Variants in MLLT3 observed in about 807,000 individuals in gnomAD.
The protein encoded by MLLT3 is protein AF-9.
Under a neutral mutation model 53.2 loss-of-function variants are expected in MLLT3, and 4 were observed. That is an observed-to-expected ratio of 0.08 (90% CI 0.04 to 0.17). The LOEUF is 0.17. Among genes scored for constraint, MLLT3 ranks in the 10% least tolerant of loss-of-function variants. The pLI is 1.00. For missense variants in MLLT3, 569 were observed against 684.0 expected (o/e 0.83, Z 1.87); for synonymous variants, 283 against 230.6 (o/e 1.23, Z -2.06).
chr9:20,385,441 T>C (rs1234674193), intron 5 of MLLT3, among the ~76,000 whole-genome samples: 1 of 152,194 alleles, frequency 6.6e-6, no homozygotes, highest in Admixed American at 6.5e-5. Flanking sequence ...GGTAGGATTA[T>C]GGTGCTTTTT....
chr9:20,343,127 T>A lies in MLLT3; in HGVS notation c.*3316A>T, dbSNP rs373671809. On this transcript the variant is annotated 3_prime_UTR_variant, in exon 11 of 11. Coordinates refer to ENST00000380338, the MANE Select transcript of MLLT3 (RefSeq NM_004529.4). Reference sequence around the variant, plus strand: ...TAGTAAATAGGATGTTATACAGGCCTAAAATTGTTTCTTCTCTTTTTTTTA... The same window carrying A: ...TAGTAAATAGGATGTTATACAGGCCAAAAATTGTTTCTTCTCTTTTTTTTA... 60 of 143,086 alleles carry A rather than the reference T, an allele frequency of 4.2e-4. 1 individual carries two copies. In the South Asian group the frequency reaches 9.8e-3, roughly 23 times the overall value. The allele number at this position is 143,086 out of a possible 1,614,324, so 8.9% of individuals were successfully genotyped here. A position where few individuals can be genotyped will look rare whatever the true frequency, so the allele number is the denominator to read the frequency against.
chr9:20,530,708 C>G (rs56669820), intron 2 of MLLT3, among the ~76,000 whole-genome samples: 4,161 of 152,182 alleles, frequency 0.027, 211 homozygotes, highest in African/African-American at 0.094. Flanking sequence ...GCTCTGTAGC[C>G]CATCCTCTAC....
At chr9:20,389,599 A>C (rs1822134581) in intron 5 of MLLT3, among the ~76,000 whole-genome samples, 1 of 151,702 alleles carries the variant, frequency 6.6e-6, no homozygotes, top group Non-Finnish European at 1.5e-5. Flanking sequence ...ACACAGTAGA[A>C]CCCCATCTCT....
intron 5 of MLLT3, among the ~76,000 whole-genome samples, chr9:20,399,277 T>C (rs1586919651): frequency 1.3e-5 from 2 of 152,134 alleles, no homozygotes; most frequent in Non-Finnish European, 2.9e-5. Flanking sequence ...CGACTAGACA[T>C]GCATCAATTA....
intron 2 of MLLT3, among the ~76,000 whole-genome samples, chr9:20,481,579 G>A (rs766699227): frequency 2.6e-5 from 4 of 152,126 alleles, no homozygotes; most frequent in African/African-American, 7.2e-5. Flanking sequence ...AACTGTGACT[G>A]AGGAACCTAC....
intron 2 of MLLT3, among the ~76,000 whole-genome samples, chr9:20,560,710 C>T (rs1278540633): frequency 6.6e-6 from 1 of 152,134 alleles, no homozygotes; most frequent in Non-Finnish European, 1.5e-5. Flanking sequence ...TAACAGGAGA[C>T]AGCATTCTAT....
intron 2 of MLLT3, among the ~76,000 whole-genome samples, chr9:20,604,686 CAGCTGTCT>C (rs1820519506): frequency 6.6e-6 from 1 of 152,084 alleles, no homozygotes; most frequent in South Asian, 2.1e-4. Context: ...AAACCTACAG[CAGCTGTCT>C]AACTTTGCCT....
At chr9:20,522,894 C>T (rs1026889433) in intron 2 of MLLT3, among the ~76,000 whole-genome samples, 1 of 151,742 alleles carries the variant, frequency 6.6e-6, no homozygotes, top group South Asian at 2.1e-4. Context: ...TAAAGGAAGT[C>T]GAGGCTTCAG....
intron 4 of MLLT3, among the ~76,000 whole-genome samples, chr9:20,447,370 G>A (rs1823731347): frequency 6.6e-6 from 1 of 152,136 alleles, no homozygotes; most frequent in African/African-American, 2.4e-5. Flanking sequence ...AAATAGATGG[G>A]GTGTGAAGTG....
At chr9:20,362,034 T>G (rs985010955) in intron 7 of MLLT3, among the ~76,000 whole-genome samples, 2 of 152,246 alleles carry the variant, frequency 1.3e-5, no homozygotes, top group African/African-American at 2.4e-5. Flanking sequence ...TCAGTTGAAG[T>G]GCTGTTTTAA....
chr9:20,375,478 G>A (rs1174986409), intron 5 of MLLT3, among the ~76,000 whole-genome samples: 1 of 151,866 alleles, frequency 6.6e-6, no homozygotes, highest in African/African-American at 2.4e-5. Flanking sequence ...GCAAACCAGT[G>A]GTAAAACAAA....
At chr9:20,552,832 T>C (rs1188612347) in intron 2 of MLLT3, among the ~76,000 whole-genome samples, 2 of 152,136 alleles carry the variant, frequency 1.3e-5, no homozygotes, top group East Asian at 3.8e-4. Flanking sequence ...TAGAATCTAC[T>C]TTTTCTCATC....
intron 5 of MLLT3, among the ~76,000 whole-genome samples, chr9:20,390,367 T>A (rs557821751): frequency 6.6e-6 from 1 of 152,150 alleles, no homozygotes; most frequent in Non-Finnish European, 1.5e-5. Context: ...AGCACTAATG[T>A]AAAATGAAGA....
At chr9:20,559,319 C>T (rs1819141444) in intron 2 of MLLT3, among the ~76,000 whole-genome samples, 1 of 151,936 alleles carries the variant, frequency 6.6e-6, no homozygotes, top group Non-Finnish European at 1.5e-5. Context: ...TTAACTTTTG[C>T]TATTAAAAGG....
chr9:20,440,835 T>C (rs1384063957), intron 4 of MLLT3, among the ~76,000 whole-genome samples: 1 of 152,210 alleles, frequency 6.6e-6, no homozygotes, highest in African/African-American at 2.4e-5. Context: ...CTTATTTTCT[T>C]GGCTTTTTGT....
At chr9:20,449,098 T>C (rs919750810) in intron 3 of MLLT3, among the ~76,000 whole-genome samples, 1 of 152,176 alleles carries the variant, frequency 6.6e-6, no homozygotes, top group African/African-American at 2.4e-5. Flanking sequence ...AACCTCCCCT[T>C]AACTCCCGAC....
At chr9:20,447,867 T>C (rs150294534) in intron 4 of MLLT3, among the ~76,000 whole-genome samples, 464 of 152,290 alleles carry the variant, frequency 3.0e-3, no homozygotes, top group African/African-American at 0.011. Flanking sequence ...TTTGTCATAA[T>C]TAAATTTGAG....
intron 2 of MLLT3, among the ~76,000 whole-genome samples, chr9:20,596,651 C>A (rs1212972880): frequency 1.3e-5 from 2 of 152,202 alleles, no homozygotes; most frequent in Non-Finnish European, 1.5e-5. Context: ...AGATGTGCCA[C>A]TGCACTCCAG....
At chr9:20,586,097 C>A (rs1444588222) in intron 2 of MLLT3, among the ~76,000 whole-genome samples, 2 of 152,104 alleles carry the variant, frequency 1.3e-5, no homozygotes, top group African/African-American at 2.4e-5. Flanking sequence ...ATGGGAGTAT[C>A]ACTTGCACTC....
Sources: gnomAD v4.1 joint callset for allele counts (sites outside exome capture counted in the v4.1 genomes callset) on GRCh38, gnomAD v4.1.1 for gene constraint, MANE v1.5 for transcripts, NCBI Gene and HGNC (gene_info 2026-07-23, HGNC 2026-07-21) for gene names.